The following CCDC102B variants were observed in gnomAD, a reference collection of about 807,000 sequenced individuals.
The protein encoded by CCDC102B is coiled-coil domain containing 102B.
In CCDC102B, 75 loss-of-function variants were observed where a neutral mutation model predicts 57.4. That is an observed-to-expected ratio of 1.31 (90% CI 1.08 to 1.58). The LOEUF is 1.58. Among genes scored for constraint, CCDC102B ranks in the 40% most tolerant of loss-of-function variants. CCDC102B has a pLI of 0.00. For synonymous variants in CCDC102B, 206 were observed against 201.9 expected (o/e 1.02, Z -0.17); for missense variants, 636 against 582.6 (o/e 1.09, Z -0.94).
At chr18:68,743,564 C>T (rs1211991346) in intron 2 of CCDC102B, among the ~76,000 whole-genome samples, 1 of 152,196 alleles carries the variant, frequency 6.6e-6, no homozygotes, top group Non-Finnish European at 1.5e-5. Flanking sequence ...ATCTCTCAAA[C>T]GCTCAATGCT....
chr18:68,745,986 A>C (rs1412911640), intron 2 of CCDC102B, among the ~76,000 whole-genome samples: 4 of 152,196 alleles, frequency 2.6e-5, no homozygotes, highest in Admixed American at 2.0e-4. Context: ...TTAAGATGCC[A>C]AGACAGTTCT....
At chr18:68,925,687 A>C (rs1440056210) in intron 6 of CCDC102B, among the ~76,000 whole-genome samples, 1 of 151,950 alleles carries the variant, frequency 6.6e-6, no homozygotes, top group Non-Finnish European at 1.5e-5. Flanking sequence ...AATTCAGATG[A>C]GCAGTATTAA....
chr18:68,840,327 G>A (rs1280385194), intron 3 of CCDC102B, among the ~76,000 whole-genome samples: 1 of 152,010 alleles, frequency 6.6e-6, no homozygotes, highest in East Asian at 1.9e-4. Flanking sequence ...GGATAAATAT[G>A]CATGCTAGCC....
At chr18:68,923,961 T>A (rs564430747) in intron 6 of CCDC102B, among the ~76,000 whole-genome samples, 125 of 152,182 alleles carry the variant, frequency 8.2e-4, no homozygotes, top group Non-Finnish European at 1.5e-3. Flanking sequence ...TATTATACTT[T>A]CCTGAAATGC....
chr18:68,926,829 A>G (rs1449851577), intron 6 of CCDC102B, among the ~76,000 whole-genome samples: 1 of 151,972 alleles, frequency 6.6e-6, no homozygotes, highest in Non-Finnish European at 1.5e-5. Context: ...TTCTTTATGG[A>G]ATATATTGAT....
intron 7 of CCDC102B, among the ~76,000 whole-genome samples, chr18:69,031,206 C>A (rs2052133580): frequency 1.3e-5 from 2 of 152,106 alleles, no homozygotes; most frequent in Admixed American, 1.3e-4. Context: ...GAAATCATTT[C>A]ATCGTGTTAT....
chr18:69,023,650 T>A (rs917296195), intron 7 of CCDC102B, among the ~76,000 whole-genome samples: 3 of 151,930 alleles, frequency 2.0e-5, no homozygotes, highest in Non-Finnish European at 4.4e-5. Context: ...GAGACATAAG[T>A]AAGTAAATGA....
chr18:68,960,611 C>A (rs547046475), intron 6 of CCDC102B, among the ~76,000 whole-genome samples: 3 of 152,234 alleles, frequency 2.0e-5, no homozygotes, highest in African/African-American at 7.2e-5. Flanking sequence ...TGTGGCCTAG[C>A]CTGACTTTCA....
intron 2 of CCDC102B, among the ~76,000 whole-genome samples, chr18:68,761,882 T>C (rs2034264917): frequency 6.6e-6 from 1 of 152,162 alleles, no homozygotes; most frequent in African/African-American, 2.4e-5. Flanking sequence ...GATTTTCCAT[T>C]GCTTTTTTAA....
chr18:68,734,653 T>G (rs1219574038), intron 2 of CCDC102B: 1 of 152,256 alleles, frequency 6.6e-6, no homozygotes, highest in Admixed American at 6.5e-5. Flanking sequence ...CATATTTTTA[T>G]AAAAGTTGAT....
At chr18:68,908,248 C>T (rs529960768) in intron 6 of CCDC102B, 2 of 152,230 alleles carry the variant, frequency 1.3e-5, no homozygotes, top group East Asian at 1.9e-4. Context: ...GTTTTCCTTT[C>T]TTGTGCTGTC....
intron 7 of CCDC102B, among the ~76,000 whole-genome samples, chr18:69,049,569 G>A (rs946533313): frequency 6.6e-6 from 1 of 152,094 alleles, no homozygotes; most frequent in African/African-American, 2.4e-5. Context: ...GTGTGGAAGG[G>A]AGGAGAATAA....
At chr18:68,853,306 C>T (rs2038217448) in intron 4 of CCDC102B, among the ~76,000 whole-genome samples, 1 of 151,758 alleles carries the variant, frequency 6.6e-6, no homozygotes, top group Non-Finnish European at 1.5e-5. Flanking sequence ...ATAGAAACTT[C>T]AAAGAGTGAA....
At chr18:68,820,074 C>G (rs7243230) in intron 1 of CCDC102B, among the ~76,000 whole-genome samples, 65,156 of 151,376 alleles carry the variant, frequency 0.43, 15,245 homozygotes, top group East Asian at 0.85. Flanking sequence ...ACACTAATGG[C>G]TAGACTTCTC....
chr18:68,732,551 TG>T (rs2032927949), intron 2 of CCDC102B, among the ~76,000 whole-genome samples: 1 of 151,996 alleles, frequency 6.6e-6, no homozygotes, highest in African/African-American at 2.4e-5. Flanking sequence ...TTCACCATGT[TG>T]GCCAGGCTGG....
chr18:68,995,641 A>T (rs2145339666), intron 6 of CCDC102B, among the ~76,000 whole-genome samples: 1 of 152,168 alleles, frequency 6.6e-6, no homozygotes, highest in East Asian at 1.9e-4. Context: ...ATTTCAGAGG[A>T]TGTATGGAAA....
At chr18:68,880,636 C>T (rs1044363143) in intron 5 of CCDC102B, among the ~76,000 whole-genome samples, 1 of 152,212 alleles carries the variant, frequency 6.6e-6, no homozygotes, top group African/African-American at 2.4e-5. Context: ...GAGAAATTCA[C>T]TGTCCTCTAA....
chr18:68,831,765 T>C (rs1407362908), intron 1 of CCDC102B, among the ~76,000 whole-genome samples: 3 of 152,116 alleles, frequency 2.0e-5, no homozygotes, highest in Non-Finnish European at 4.4e-5. Context: ...TTTACTGTAA[T>C]GGTTTCATTT....
At chr18:68,773,322 G>C (rs1400643550) in intron 2 of CCDC102B, among the ~76,000 whole-genome samples, 1 of 152,014 alleles carries the variant, frequency 6.6e-6, no homozygotes, top group Non-Finnish European at 1.5e-5. Context: ...TGGGAGAAAG[G>C]AAAGGTTAAT....
Sources: allele counts gnomAD v4.1 joint callset (sites outside exome capture counted in the v4.1 genomes callset), GRCh38; gene constraint gnomAD v4.1.1; transcripts MANE v1.5; gene names NCBI Gene and HGNC (gene_info 2026-07-23, HGNC 2026-07-21).